The following ZNF566 variants were observed in gnomAD, a reference collection of about 807,000 sequenced individuals.
ZNF566 encodes zinc finger protein 566.
In ZNF566, 27 loss-of-function variants were observed where a neutral mutation model predicts 32.8. That is an observed-to-expected ratio of 0.82 (90% CI 0.61 to 1.14). The LOEUF is 1.14. Ranked by LOEUF, ZNF566 falls within the 50% of genes most tolerant of loss-of-function variation. The pLI is 0.00. For missense variants in ZNF566, 402 were observed against 490.4 expected (o/e 0.82, Z 1.70); for synonymous variants, 154 against 159.5 (o/e 0.97, Z 0.26).
intron 1 of ZNF566, among the ~76,000 whole-genome samples, chr19:36,477,601 C>T (rs1289020704): frequency 4.9e-5 from 7 of 142,670 alleles, no homozygotes; most frequent in African/African-American, 1.6e-4. Context: ...TGCAATGGCG[C>T]GATCTTGGCT....
chr19:36,479,563 T>C (rs1426913480), intron 1 of ZNF566, among the ~76,000 whole-genome samples: 2 of 152,258 alleles, frequency 1.3e-5, no homozygotes, highest in African/African-American at 4.8e-5. Flanking sequence ...ATTAAGGATC[T>C]TAACAAATGT....
At chr19:36,451,344 T>G (rs1416268943) in intron 4 of ZNF566, among the ~76,000 whole-genome samples, 1 of 152,130 alleles carries the variant, frequency 6.6e-6, no homozygotes, top group Non-Finnish European at 1.5e-5. Context: ...TGGACAGATA[T>G]GGTATATGTT....
rs140859976 is a variant in ZNF566, at chr19:36,485,493, A to G, written c.-60+3993T>C. ...AAAAGTGGCCGGTGCTGGGCGCGGT[A>G]GCTCATGCCTGTAATCCCACTACTT... On this transcript the variant is annotated intron_variant, in intron 1 of 4. Transcript: ENST00000452939. Among the ~76,000 whole-genome samples, 3 of 148,154 alleles carry G rather than the reference A, an allele frequency of 2.0e-5. No individual in the cohort carries two copies. In the East Asian group the frequency reaches 6.0e-4, roughly 30 times the overall value.
chr19:36,467,486 T>C (rs1471597600), intron 4 of ZNF566, among the ~76,000 whole-genome samples: 1 of 143,102 alleles, frequency 7.0e-6, no homozygotes, highest in Non-Finnish European at 1.5e-5. Flanking sequence ...TGAAAATGTG[T>C]GCTAAAACTC....
intron 1 of ZNF566, among the ~76,000 whole-genome samples, chr19:36,483,798 G>A (rs1182582621): frequency 3.3e-5 from 5 of 152,106 alleles, no homozygotes; most frequent in Admixed American, 3.3e-4. Context: ...CTCCAGGGAT[G>A]CCTCGTGGTC....
At chr19:36,481,473 G>GAAAAAAA (rs79028574) in intron 1 of ZNF566, among the ~76,000 whole-genome samples, 2 of 110,856 alleles carry the variant, frequency 1.8e-5, no homozygotes, top group African/African-American at 3.5e-5. Context: ...ACTGTCTCGG[G>GAAAAAAA]AAAAAAAAAA....
intron 1 of ZNF566, among the ~76,000 whole-genome samples, chr19:36,479,194 G>A (rs1041939979): frequency 4.6e-5 from 7 of 152,132 alleles, no homozygotes; most frequent in African/African-American, 1.7e-4. Context: ...AAAGAATAAT[G>A]TGCATTATCA....
chr19:36,486,935 C>G (rs911646068), intron 1 of ZNF566, among the ~76,000 whole-genome samples: 21 of 149,606 alleles, frequency 1.4e-4, no homozygotes, highest in Non-Finnish European at 2.7e-4. Context: ...ACTAAAAATA[C>G]AAAAATTAGC....
chr19:36,469,928 A>C (rs1430430354), intron 4 of ZNF566, among the ~76,000 whole-genome samples: 3 of 152,144 alleles, frequency 2.0e-5, no homozygotes, highest in Non-Finnish European at 2.9e-5. Context: ...AAAAGAAAAA[A>C]AAAACAGAAT....
At position 36,445,580 on chromosome 19, in the gene ZNF566, G is replaced by A. The variant is rs2032973126; in HGVS notation, c.*3397C>T. The A allele has an allele frequency of 6.6e-6, 1 of 152,168 alleles. No individual in the cohort carries two copies. The highest frequency in any genetic ancestry group is 1.9e-4 in the East Asian group (1 of 5,196). 9.4% of individuals were successfully genotyped at this position (152,168 alleles called of 1,614,324 possible). On this transcript the variant is annotated 3_prime_UTR_variant, in exon 5 of 5. Coordinates refer to ENST00000452939, the MANE Select transcript of ZNF566 (RefSeq NM_001145344.1). Reference sequence around the variant, plus strand: ...CATGCCTATAATGCCAGCACTTTGGGAGGCCGAGGAGGGTGGATCACCTGA... The same window carrying A: ...CATGCCTATAATGCCAGCACTTTGGAAGGCCGAGGAGGGTGGATCACCTGA...
At chr19:36,469,260 G>A (rs1435699111) in intron 4 of ZNF566, among the ~76,000 whole-genome samples, 7 of 151,866 alleles carry the variant, frequency 4.6e-5, no homozygotes, top group Admixed American at 1.3e-4. Flanking sequence ...TATTTGTGGT[G>A]GGACGCGGTG....
chr19:36,459,880 G>T (rs551151679), intron 4 of ZNF566, among the ~76,000 whole-genome samples: 1 of 148,116 alleles, frequency 6.8e-6, no homozygotes, highest in Non-Finnish European at 1.5e-5. Context: ...GTACAGTGGC[G>T]TGATCTCAGC....
intron 4 of ZNF566, among the ~76,000 whole-genome samples, chr19:36,468,901 T>A (rs527573969): frequency 6.6e-6 from 1 of 150,534 alleles, no homozygotes; most frequent in East Asian, 2.0e-4. Context: ...TGGGCAAGAG[T>A]GGGACCCTGT....
chr19:36,460,967 T>C (rs1281049914), intron 4 of ZNF566, among the ~76,000 whole-genome samples: 1 of 152,182 alleles, frequency 6.6e-6, no homozygotes, highest in Non-Finnish European at 1.5e-5. Flanking sequence ...AAAAATATCC[T>C]TCAGTAATGA....
In ZNF566 at chr19:36,449,974, T is replaced by G; in HGVS notation, c.260A>C (p.Lys87Thr). The change falls in exon 5 of 5, where the codon AAA (lysine) becomes ACA (threonine). Residue 87 changes from lysine (K) to threonine (T), a missense_variant. Lys to Thr is a moderately conservative substitution (Grantham distance 78). Coordinates refer to ENST00000452939, the MANE Select transcript of ZNF566 (RefSeq NM_001145344.1). Reference sequence around the variant, plus strand: ...ATAAATTTCTTTCTTCAGAAATAATTTCTTGGTCTCACATCTTGATTCCAG... The same window carrying G: ...ATAAATTTCTTTCTTCAGAAATAATGTCTTGGTCTCACATCTTGATTCCAG... ...PVLESRCETK[K>T]LFLKKEIYEI... 6.2e-7 allele frequency: 1 copy of G among 1,609,708 alleles called. No homozygotes were observed.
intron 4 of ZNF566, among the ~76,000 whole-genome samples, chr19:36,453,900 T>C (rs1244052107): frequency 6.6e-6 from 1 of 152,118 alleles, no homozygotes; most frequent in Non-Finnish European, 1.5e-5. Flanking sequence ...CTCGGTTTGC[T>C]GCAACCTCTG....
intron 4 of ZNF566, among the ~76,000 whole-genome samples, chr19:36,454,184 C>A (rs1033740690): frequency 6.6e-6 from 1 of 152,080 alleles, no homozygotes; most frequent in African/African-American, 2.4e-5. Context: ...CAGGTGTGAG[C>A]CACCATACCC....
intron 4 of ZNF566, among the ~76,000 whole-genome samples, chr19:36,459,212 T>C (rs751925480): frequency 3.3e-5 from 5 of 152,208 alleles, no homozygotes; most frequent in African/African-American, 1.2e-4. Flanking sequence ...GGCAATGATA[T>C]AGAACCCTAA....
At chr19:36,458,686 A>G (rs1420511039) in intron 4 of ZNF566, among the ~76,000 whole-genome samples, 1 of 152,222 alleles carries the variant, frequency 6.6e-6, no homozygotes, top group African/African-American at 2.4e-5. Context: ...ACTGTATTGT[A>G]TACTTGGAAT....
Sources: gnomAD v4.1 joint callset for allele counts (sites outside exome capture counted in the v4.1 genomes callset) on GRCh38, gnomAD v4.1.1 for gene constraint, MANE v1.5 for transcripts, NCBI Gene and HGNC (gene_info 2026-07-23, HGNC 2026-07-21) for gene names.